PLEKHB1: variants seen among roughly 807,000 people sequenced by gnomAD.
The protein encoded by PLEKHB1 is pleckstrin homology domain-containing family B member 1.
A neutral mutation model predicts 36.2 loss-of-function variants in PLEKHB1; 29 were observed. The observed-to-expected ratio is 0.80, with a 90% CI of 0.60 to 1.09. The LOEUF is 1.09. Ranked by LOEUF, PLEKHB1 falls within the 50% of genes least tolerant of loss-of-function variation. The pLI is 0.00. For synonymous variants in PLEKHB1, 138 were observed against 140.0 expected (o/e 0.99, Z 0.10); for missense variants, 330 against 348.2 (o/e 0.95, Z 0.42).
intron 6 of PLEKHB1, among the ~76,000 whole-genome samples, chr11:73,657,158 C>G (rs1308350353): frequency 6.6e-6 from 1 of 152,052 alleles, no homozygotes; most frequent in Non-Finnish European, 1.5e-5. Flanking sequence ...AAAAAATTGT[C>G]TCCTGATGAC....
intron 4 of PLEKHB1, chr11:73,652,121 A>T: frequency 1.8e-6 from 1 of 547,872 alleles, no homozygotes; most frequent in Non-Finnish European, 3.3e-6. Context: ...GCTGAGGGGG[A>T]GGTGTGCACA....
At chr11:73,651,228 G>A (rs1278615002) in intron 3 of PLEKHB1, among the ~76,000 whole-genome samples, 5 of 151,706 alleles carry the variant, frequency 3.3e-5, no homozygotes, top group Admixed American at 1.3e-4. Context: ...ATGGTAGTGT[G>A]TACCTGTAGT....
chr11:73,651,842 G>A lies in PLEKHB1; in HGVS notation c.302G>A (p.Arg101Gln), dbSNP rs778328284. 23 of 1,613,522 alleles carry A rather than the reference G, an allele frequency of 1.4e-5. No individual in the cohort carries two copies. Among genetic ancestry groups the A allele is most frequent in the South Asian group, 7.7e-5 (7 of 91,084 alleles). ...SRDGLLTVNL[R>Q]EGGRLHLCAE... Reference sequence around the variant, plus strand: ...GATGGCCTGCTGACTGTGAACCTACGGGAAGGCGGCCGCCTGCACCTCTGT... The same window carrying A: ...GATGGCCTGCTGACTGTGAACCTACAGGAAGGCGGCCGCCTGCACCTCTGT... Residue 101 changes from arginine to glutamine, a missense_variant, in exon 4 of 8, where the codon CGG becomes CAG. By Grantham distance (43) the Arg-to-Gln change is conservative (BLOSUM62 1). Transcript: ENST00000354190.
intron 3 of PLEKHB1, among the ~76,000 whole-genome samples, 192 bp downstream of exon 3, chr11:73,650,897 C>T (rs535987210): frequency 7.2e-5 from 11 of 151,962 alleles, no homozygotes; most frequent in Middle Eastern, 3.4e-3. Flanking sequence ...TGTGTGGTGG[C>T]GCATGCCTGT....
At chr11:73,657,206 G>T (rs184117054) in intron 6 of PLEKHB1, among the ~76,000 whole-genome samples, 2 of 152,234 alleles carry the variant, frequency 1.3e-5, no homozygotes, top group African/African-American at 4.8e-5. Flanking sequence ...AAGTGCCTGG[G>T]CCACCAAATT....
Position 73,662,818 on chromosome 11 carries a change from A to G in PLEKHB1, c.*1216A>G, listed in dbSNP as rs1231188764. 5 of 152,352 alleles carry G rather than the reference A, an allele frequency of 3.3e-5. No homozygotes were observed. Among genetic ancestry groups the G allele is most frequent in the Middle Eastern group, 3.4e-3 (1 of 294 alleles). The allele number at this position is 152,352 out of a possible 1,614,324, so 9.4% of individuals were successfully genotyped here. On this transcript the variant is annotated 3_prime_UTR_variant, in exon 8 of 8. Coordinates refer to ENST00000354190, the MANE Select transcript of PLEKHB1 (RefSeq NM_021200.3). Reference sequence around the variant, plus strand: ...TAAAGATTTGGTTGGCTCTAGCAGTAACTGTGGCTTGCTTTGTTCCCCCAG... The same window carrying G: ...TAAAGATTTGGTTGGCTCTAGCAGTGACTGTGGCTTGCTTTGTTCCCCCAG...
At chr11:73,651,919 G>A (rs1489767809) in intron 4 of PLEKHB1, 29 bp downstream of exon 4, 3 of 1,593,800 alleles carry the variant, frequency 1.9e-6, no homozygotes, top group African/African-American at 1.3e-5. Flanking sequence ...AGGATGGGGT[G>A]GAATCTCGGG....
chr11:73,655,885 G>A lies in PLEKHB1; in HGVS notation c.473G>A (p.Cys158Tyr). 6.2e-7 allele frequency: 1 copy of A among 1,613,778 alleles called. No homozygotes were observed. The highest frequency in any genetic ancestry group is 1.1e-5 in the South Asian group (1 of 91,070). The change falls in exon 6 of 8, where the codon TGT (cysteine) becomes TAT (tyrosine). Residue 158 changes from cysteine (C) to tyrosine (Y), a missense_variant. Coordinates refer to ENST00000354190, the MANE Select transcript of PLEKHB1 (RefSeq NM_021200.3). ...VRCVTRSWSP[C>Y]KVERRIWVRV... The stretch of plus-strand genomic sequence containing the variant: ...TGTGTGACCCGCTCGTGGAGCCCCT[G>A]TAAGGTTGAGAGGCGGATCTGGGTA...
chr11:73,655,711 T>C, intron 5 of PLEKHB1, 92 bp from the exon 6 acceptor site: 1 of 1,110,984 alleles, frequency 9.0e-7, no homozygotes, highest in East Asian at 2.5e-5. Flanking sequence ...TCTGGTAGGG[T>C]CTGGAAAGAG....
chr11:73,652,935 C>T lies in PLEKHB1; in HGVS notation c.351-40C>T, dbSNP rs367749597. 6 of 1,580,096 alleles carry T rather than the reference C, an allele frequency of 3.8e-6. No homozygotes were observed. In the African/African-American group the frequency reaches 8.1e-5, roughly 21 times the overall value. On this transcript the variant is annotated intron_variant, in intron 4 of 7. Coordinates refer to ENST00000354190, the MANE Select transcript of PLEKHB1 (RefSeq NM_021200.3). ...TGTGGGGGCCCAATTCACCCACCCC[C>T]AAACTCCCTCCTCATGGTCTGGTGG...
At chr11:73,651,554 C>A in intron 3 of PLEKHB1, 1 of 650,318 alleles carries the variant, frequency 1.5e-6, no homozygotes, top group Non-Finnish European at 2.8e-6. Flanking sequence ...AAGGCCCAGG[C>A]CACAGTTCTA....
At chr11:73,646,691 G>A (rs1006288524) in intron 1 of PLEKHB1, 65 bp downstream of exon 1, 48 of 1,521,130 alleles carry the variant, frequency 3.2e-5, no homozygotes, top group Middle Eastern at 1.7e-4. Context: ...TTGCCACATA[G>A]GGGACGGGAC....
rs761247602 is a variant in PLEKHB1, at chr11:73,655,839, C to T, written c.427C>T (p.Arg143Trp). ...AGATVPPRSRRVCSKVRCVTR... is the reference protein window; with the variant it reads ...AGATVPPRSRWVCSKVRCVTR... ...AGCCACCGTCCCTCCCAGGAGCCGC[C>T]GGGTTTGCTCCAAGGTCAGGTGTGT... Residue 143 changes from arginine to tryptophan, a missense_variant, in exon 6 of 8, where the codon CGG becomes TGG. Physicochemically the swap from Arg to Trp is moderately radical, Grantham distance 101 (BLOSUM62 -3). Transcript: ENST00000354190. The T allele has an allele frequency of 3.3e-5, 53 of 1,613,676 alleles. No homozygotes were observed. Among genetic ancestry groups the T allele is most frequent in the Middle Eastern group, 1.6e-4 (1 of 6,082 alleles).
chr11:73,649,376 C>T (rs1944840183), intron 2 of PLEKHB1, among the ~76,000 whole-genome samples: 1 of 152,094 alleles, frequency 6.6e-6, no homozygotes. Context: ...ATTAGAGGCT[C>T]CCTCCTCGGT....
At chr11:73,653,584 T>A (rs7942217) in intron 5 of PLEKHB1, 284,499 of 398,784 alleles carry the variant, frequency 0.71, 102,562 homozygotes, top group Middle Eastern at 0.78. Context: ...ATTTGCAGTG[T>A]CTGGCCCTTT....
chr11:73,651,678 TG>T, intron 3 of PLEKHB1, 109 bp from the exon 4 acceptor site: 1 of 805,698 alleles, frequency 1.2e-6, no homozygotes. Context: ...AGGTTGGCAG[TG>T]GCCAGTAAAC....
At chr11:73,647,412 G>T (rs1458314042) in intron 1 of PLEKHB1, 2 of 285,874 alleles carry the variant, frequency 7.0e-6, no homozygotes. Flanking sequence ...TGATTCTTAA[G>T]AAAAAGTATT....
At chr11:73,649,233 TC>T in intron 2 of PLEKHB1, 146 bp downstream of exon 2, 1 of 1,051,596 alleles carries the variant, frequency 9.5e-7, no homozygotes, top group Non-Finnish European at 1.3e-6. Context: ...TGAAGGTCCT[TC>T]CCATTCCCGA....
rs760225040 is a variant in PLEKHB1, at chr11:73,649,027, G to A, written c.34G>A (p.Ala12Thr). The A allele has an allele frequency of 4.7e-5, 75 of 1,597,490 alleles. No homozygotes were observed. The Admixed American group carries it at 1.1e-3, about 24-fold the overall frequency. Residue 12 changes from alanine to threonine, a missense_variant, in exon 2 of 8, where the codon GCT becomes ACT. Physicochemically the swap from Ala to Thr is moderately conservative, Grantham distance 58. Coordinates refer to ENST00000354190, the MANE Select transcript of PLEKHB1 (RefSeq NM_021200.3). Reference protein sequence around the residue: ...SPAAPVPPDSALESPFEEMAL... With the variant: ...SPAAPVPPDSTLESPFEEMAL... ...CCTCTGACAGGTCCCGCCTGACTCC[G>A]CTCTGGAAAGTCCTTTTGAAGAAAT... is the stretch of plus-strand genomic sequence containing the variant.
Sources: allele counts gnomAD v4.1 joint callset (sites outside exome capture counted in the v4.1 genomes callset), GRCh38; gene constraint gnomAD v4.1.1; transcripts MANE v1.5; gene names NCBI Gene and HGNC (gene_info 2026-07-23, HGNC 2026-07-21).